HSPA12A: variants seen among roughly 807,000 people sequenced by gnomAD.
HSPA12A encodes heat shock 70 kDa protein 12A.
Under a neutral mutation model 69.2 loss-of-function variants are expected in HSPA12A, and 28 were observed. The ratio of observed to expected loss-of-function variants is 0.40; its 90% CI spans 0.30 to 0.55. The LOEUF is 0.55. HSPA12A is among the 20% of genes least tolerant of loss of function. The probability of loss-of-function intolerance (pLI) is 0.38; values close to 1 mark genes in which losing one functional copy is unlikely to be tolerated. For synonymous variants in HSPA12A, 345 were observed against 370.5 expected (o/e 0.93, Z 0.79); for missense variants, 686 against 900.7 (o/e 0.76, Z 3.05).
intron 2 of HSPA12A, among the ~76,000 whole-genome samples, chr10:116,754,139 C>T (rs376152891): frequency 6.6e-6 from 1 of 152,154 alleles, no homozygotes; most frequent in Admixed American, 6.5e-5. Flanking sequence ...ACTGCTCCAC[C>T]GAAGTCCTTC....
In HSPA12A at chr10:116,675,439, A is replaced by T. The variant is rs782245400; in HGVS notation, c.1391-21T>A. The T allele has an allele frequency of 1.9e-6, 3 of 1,543,476 alleles. No individual in the cohort carries two copies. Among genetic ancestry groups the T allele is most frequent in the Non-Finnish European group, 2.6e-6 (3 of 1,145,238 alleles). The stretch of plus-strand genomic sequence containing the variant: ...GTCCCCTGGAAGGGAAGAGGCAGGG[A>T]GAATGTCCTGTCACCAAAAGCCAGC... On this transcript the variant is annotated intron_variant, in intron 11 of 11. Transcript: ENST00000369209. This position sits in a 1 kb window ranked among gnomAD's most constrained non-coding sequence, Gnocchi z 5.2.
intron 2 of HSPA12A, 100 bp downstream of exon 2, chr10:116,707,100 C>A: frequency 1.0e-6 from 1 of 956,662 alleles, no homozygotes; most frequent in Non-Finnish European, 1.5e-6. Flanking sequence ...TGAGATCAGA[C>A]CCAGAATGCA....
intron 2 of HSPA12A, among the ~76,000 whole-genome samples, chr10:116,794,745 G>A (rs530911205): frequency 1.3e-5 from 2 of 151,696 alleles, no homozygotes; most frequent in East Asian, 3.9e-4. Context: ...CTCCAGAGAT[G>A]GAGATTGCAG....
intron 2 of HSPA12A, among the ~76,000 whole-genome samples, chr10:116,796,392 G>A (rs1589711882): frequency 6.6e-6 from 1 of 152,116 alleles, no homozygotes; most frequent in African/African-American, 2.4e-5. Flanking sequence ...TAAAGACAAC[G>A]GGTCTTCGGG....
chr10:116,740,673 T>C (rs1298861563), intron 1 of HSPA12A, among the ~76,000 whole-genome samples: 1 of 3,014 alleles, frequency 3.3e-4, no homozygotes, highest in African/African-American at 1.1e-3. Context: ...TGTGTGTGTG[T>C]GTCTGTGTGT....
At chr10:116,848,185 G>A (rs1330997356) in intron 1 of HSPA12A, among the ~76,000 whole-genome samples, 1 of 152,230 alleles carries the variant, frequency 6.6e-6, no homozygotes, top group East Asian at 1.9e-4. Context: ...GGATGTGAAG[G>A]TAACACAGAC....
At chr10:116,811,638 T>C (rs1325242801) in intron 2 of HSPA12A, among the ~76,000 whole-genome samples, 1 of 147,860 alleles carries the variant, frequency 6.8e-6, no homozygotes, top group South Asian at 2.2e-4. Context: ...CCCTGTCTCC[T>C]CTTTGTCAGG....
chr10:116,706,403 C>A (rs1850250570), intron 2 of HSPA12A, among the ~76,000 whole-genome samples: 1 of 152,124 alleles, frequency 6.6e-6, no homozygotes, highest in Admixed American at 6.5e-5. Flanking sequence ...CCCTAGGGAA[C>A]CAACCCTCCC....
At chr10:116,828,677 G>C (rs1299741770) in intron 2 of HSPA12A, 1 of 152,208 alleles carries the variant, frequency 6.6e-6, no homozygotes, top group African/African-American at 2.4e-5. Flanking sequence ...GGTGACAGCG[G>C]AGCATTAAAC....
chr10:116,752,277 A>G (rs1851792844), intron 2 of HSPA12A, among the ~76,000 whole-genome samples: 1 of 152,242 alleles, frequency 6.6e-6, no homozygotes, highest in African/African-American at 2.4e-5. Flanking sequence ...CTTTAAAACA[A>G]TTCAAGGAAA....
intron 2 of HSPA12A, among the ~76,000 whole-genome samples, chr10:116,755,852 G>A (rs919116282): frequency 2.4e-4 from 37 of 151,516 alleles, no homozygotes; most frequent in Non-Finnish European, 3.4e-4. Context: ...AGAGCCAGGC[G>A]TGGTGGGGCA....
intron 5 of HSPA12A, among the ~76,000 whole-genome samples, chr10:116,695,680 G>A (rs1849872004): frequency 6.6e-6 from 1 of 152,042 alleles, no homozygotes; most frequent in Non-Finnish European, 1.5e-5. Context: ...GCCAGGCATG[G>A]TGGCGGGCGC....
At chr10:116,782,892 C>CT (rs1844494324) in intron 2 of HSPA12A, among the ~76,000 whole-genome samples, 1 of 152,154 alleles carries the variant, frequency 6.6e-6, no homozygotes, top group Non-Finnish European at 1.5e-5. Flanking sequence ...GGCCTGATGC[C>CT]TGGCAACATA....
At chr10:116,768,718 TG>T (rs1256641641) in intron 2 of HSPA12A, among the ~76,000 whole-genome samples, 1 of 152,126 alleles carries the variant, frequency 6.6e-6, no homozygotes, top group Non-Finnish European at 1.5e-5. Context: ...TTGCAGAGAC[TG>T]GTCTTGAACT....
At chr10:116,685,129 C>T (rs1172870780) in intron 6 of HSPA12A, among the ~76,000 whole-genome samples, 1 of 152,202 alleles carries the variant, frequency 6.6e-6, no homozygotes, top group Non-Finnish European at 1.5e-5. Flanking sequence ...GGGATGCTGC[C>T]TTCATACCAT....
upstream of HSPA12A, among the ~76,000 whole-genome samples, chr10:116,742,761 G>C (rs1379381043): frequency 6.6e-6 from 1 of 151,818 alleles, no homozygotes; most frequent in Non-Finnish European, 1.5e-5. Flanking sequence ...GCGGCCCGCC[G>C]AGGCCCGGCC....
chr10:116,734,902 G>A (rs1480500158), intron 1 of HSPA12A, among the ~76,000 whole-genome samples: 1 of 152,134 alleles, frequency 6.6e-6, no homozygotes, highest in Non-Finnish European at 1.5e-5. Context: ...TGAGGCAGGA[G>A]ACTGGCATGA....
chr10:116,834,892 C>G, intron 2 of HSPA12A: 3 of 1,109,480 alleles, frequency 2.7e-6, no homozygotes, highest in Non-Finnish European at 3.4e-6. Context: ...GCAGTTATTT[C>G]AGATGCCAGT....
At chr10:116,698,337 T>C (rs1849975935) in intron 5 of HSPA12A, 1 of 274,624 alleles carries the variant, frequency 3.6e-6, no homozygotes, top group Non-Finnish European at 6.8e-6. Flanking sequence ...TCTTCTTTCA[T>C]TTCTCTTAGG....
Sources: gnomAD v4.1 joint callset for allele counts (sites outside exome capture counted in the v4.1 genomes callset) on GRCh38, gnomAD v4.1.1 for gene constraint, Gnocchi (gnomAD v3.1) non-coding constraint, MANE v1.5 for transcripts, NCBI Gene and HGNC (gene_info 2026-07-23, HGNC 2026-07-21) for gene names.